FOXN3: variants seen among roughly 807,000 people sequenced by gnomAD.
FOXN3 encodes forkhead box protein N3.
FOXN3 carries 7 observed loss-of-function variants against 38.4 expected under a neutral mutation model. The observed-to-expected ratio is 0.18, with a 90% CI of 0.10 to 0.34. FOXN3 has a LOEUF of 0.34. Among genes scored for constraint, FOXN3 ranks in the 10% least tolerant of loss-of-function variants. The pLI, the probability that FOXN3 is intolerant of heterozygous loss-of-function variation, is 1.00. For missense variants in FOXN3, 456 were observed against 613.4 expected, an observed-to-expected ratio of 0.74 and a Z score of 2.71; for synonymous variants, 230 against 242.2, an observed-to-expected ratio of 0.95 and a Z score of 0.47.
intron 1 of FOXN3, among the ~76,000 whole-genome samples, chr14:89,466,666 C>T (rs138561884): frequency 6.6e-6 from 1 of 152,292 alleles, no homozygotes; most frequent in Non-Finnish European, 1.5e-5. Context: ...AGACTCTCAC[C>T]AGGGACCACA....
At chr14:89,329,420 A>G (rs1194436809) in intron 3 of FOXN3, among the ~76,000 whole-genome samples, 1 of 152,180 alleles carries the variant, frequency 6.6e-6, no homozygotes, top group Non-Finnish European at 1.5e-5. Flanking sequence ...TTTGCTCCCC[A>G]GGGAACATCT....
intron 2 of FOXN3, among the ~76,000 whole-genome samples, chr14:89,379,522 G>C (rs1284489966): frequency 6.6e-6 from 1 of 152,042 alleles, no homozygotes. Context: ...TGTGCCCTGG[G>C]GAGCAAAATC....
chr14:89,302,619 T>C (rs1283748226), intron 3 of FOXN3, among the ~76,000 whole-genome samples: 1 of 152,196 alleles, frequency 6.6e-6, no homozygotes, highest in Non-Finnish European at 1.5e-5. Flanking sequence ...GCAAGTCCCC[T>C]GAGCACACAC....
At chr14:89,180,255 AT>A (rs979253826) in intron 5 of FOXN3, among the ~76,000 whole-genome samples, 39 of 152,304 alleles carry the variant, frequency 2.6e-4, no homozygotes, top group African/African-American at 9.1e-4. Flanking sequence ...CTCGCCTCAC[AT>A]CTGATTTTGC....
At position 89,249,143 on chromosome 14, in the gene FOXN3, G is replaced by A. The variant is rs115521844; in HGVS notation, c.745+31807C>T. Among the ~76,000 whole-genome samples the A allele has an allele frequency of 3.0e-3, 455 of 152,326 alleles. 2 individuals carry two copies. The highest frequency in any genetic ancestry group is 0.01 in the African/African-American group (435 of 41,576). On this transcript the variant is annotated intron_variant, in intron 4 of 5. Coordinates refer to ENST00000557258, the MANE Select transcript of FOXN3 (RefSeq NM_005197.4). ...CTCATTCAAATCAAGTCTCTTGAGA[G>A]TCTGGACACAACAGATACACTGTAC...
chr14:89,573,740 T>C (rs1034075701), intron 1 of FOXN3, among the ~76,000 whole-genome samples: 2 of 152,232 alleles, frequency 1.3e-5, no homozygotes, highest in African/African-American at 4.8e-5. Flanking sequence ...AAGGACCCCA[T>C]CAGAATGTGC....
At chr14:89,252,654 CA>C (rs397827971) in intron 4 of FOXN3, among the ~76,000 whole-genome samples, 24,269 of 93,908 alleles carry the variant, frequency 0.26, 1,993 homozygotes, top group Middle Eastern at 0.37. Flanking sequence ...AACTCTATCT[CA>C]AAAAAAAAAA....
At chr14:89,430,636 A>G (rs1283853789) in intron 1 of FOXN3, among the ~76,000 whole-genome samples, 3 of 152,104 alleles carry the variant, frequency 2.0e-5, no homozygotes, top group African/African-American at 7.2e-5. Flanking sequence ...TTTTGAAGAC[A>G]TCGCGAGAGT....
chr14:89,368,174 T>C (rs1706999700), intron 2 of FOXN3, among the ~76,000 whole-genome samples: 1 of 149,440 alleles, frequency 6.7e-6, no homozygotes, highest in South Asian at 2.1e-4. Flanking sequence ...ACTAAAAAAA[T>C]ACAAAATTAG....
chr14:89,499,668 G>A (rs907956806), intron 1 of FOXN3, among the ~76,000 whole-genome samples: 3 of 152,134 alleles, frequency 2.0e-5, no homozygotes, highest in Admixed American at 6.5e-5. Flanking sequence ...AAGGTAAATC[G>A]AGAGGAACTG....
At chr14:89,373,033 A>C (rs1228048056) in intron 2 of FOXN3, among the ~76,000 whole-genome samples, 1 of 152,034 alleles carries the variant, frequency 6.6e-6, no homozygotes, top group African/African-American at 2.4e-5. Flanking sequence ...GGGTGTCGTG[A>C]CGCAGGCCTG....
intron 1 of FOXN3, among the ~76,000 whole-genome samples, chr14:89,500,446 T>C (rs985794921): frequency 1.3e-5 from 2 of 149,956 alleles, no homozygotes; most frequent in Non-Finnish European, 3.0e-5. Context: ...TGATAGAGAC[T>C]GATGACATCA....
intron 4 of FOXN3, 97 bp downstream of exon 4, chr14:89,280,853 G>C: frequency 1.9e-6 from 2 of 1,051,676 alleles, no homozygotes; most frequent in Non-Finnish European, 2.9e-6. Flanking sequence ...ACTCCTAAAC[G>C]GGACAGAACT....
chr14:89,558,664 G>A (rs1050761493), intron 1 of FOXN3, among the ~76,000 whole-genome samples: 1 of 152,238 alleles, frequency 6.6e-6, no homozygotes, highest in Non-Finnish European at 1.5e-5. Flanking sequence ...AGGTCAGGAT[G>A]AGTCCAAGGC....
intron 1 of FOXN3, among the ~76,000 whole-genome samples, chr14:89,468,476 TAC>T (rs925241660): frequency 7.0e-6 from 1 of 142,102 alleles, no homozygotes; most frequent in Non-Finnish European, 1.6e-5. Flanking sequence ...CACACACACA[TAC>T]ACACACACAC....
At chr14:89,463,892 C>T (rs1157409430) in intron 1 of FOXN3, among the ~76,000 whole-genome samples, 1 of 150,674 alleles carries the variant, frequency 6.6e-6, no homozygotes, top group Non-Finnish European at 1.5e-5. Flanking sequence ...TCAAGTGATT[C>T]TCCTGCCTTA....
intron 1 of FOXN3, among the ~76,000 whole-genome samples, chr14:89,440,340 CAG>C (rs1279367650): frequency 1.3e-5 from 2 of 152,162 alleles, no homozygotes; most frequent in Non-Finnish European, 2.9e-5. Context: ...ACGCATGGAG[CAG>C]AGAGACCCCT....
chr14:89,526,698 T>G (rs1894439171), intron 1 of FOXN3, among the ~76,000 whole-genome samples: 1 of 152,202 alleles, frequency 6.6e-6, no homozygotes, highest in Admixed American at 6.5e-5. Context: ...ATTTAAAGTA[T>G]TCCCAACAAA....
At chr14:89,303,103 A>G (rs1328710361) in intron 3 of FOXN3, among the ~76,000 whole-genome samples, 1 of 152,046 alleles carries the variant, frequency 6.6e-6, no homozygotes, top group Non-Finnish European at 1.5e-5. Context: ...AATTGGCTCC[A>G]CTTGCTCCAG....
Sources: gnomAD v4.1 joint callset for allele counts (sites outside exome capture counted in the v4.1 genomes callset) on GRCh38, gnomAD v4.1.1 for gene constraint, MANE v1.5 for transcripts, NCBI Gene and HGNC (gene_info 2026-07-23, HGNC 2026-07-21) for gene names.